OGDH: variants seen among roughly 807,000 people sequenced by gnomAD.
OGDH encodes oxoglutarate dehydrogenase.
A neutral mutation model predicts 116.6 loss-of-function variants in OGDH; 38 were observed. The ratio of observed to expected loss-of-function variants is 0.33; its 90% CI spans 0.25 to 0.43. The LOEUF (loss-of-function observed/expected upper bound fraction) is 0.43, where lower values mean the gene tolerates loss of function less well. Among genes scored for constraint, OGDH ranks in the 20% least tolerant of loss-of-function variants. The pLI is 1.00. For synonymous variants in OGDH, 488 were observed against 533.3 expected (o/e 0.92, Z 1.17); for missense variants, 825 against 1,357.2 (o/e 0.61, Z 6.16).
chr7:44,646,016 G>A (rs1271910244), intron 3 of OGDH, among the ~76,000 whole-genome samples: 1 of 152,132 alleles, frequency 6.6e-6, no homozygotes, highest in Non-Finnish European at 1.5e-5. Context: ...AGTGATGAGG[G>A]GCAGGGGAAC....
rs766227576 is a variant in OGDH, at chr7:44,676,032, C to A, written c.1089C>A (p.Asp363Glu). Reference sequence around the variant, plus strand: ...ACCGCAGGATCAATCGTGTCACCGACAGGAACATTACCTTGTCCTTGGTGG... The same window carrying A: ...ACCGCAGGATCAATCGTGTCACCGAAAGGAACATTACCTTGTCCTTGGTGG... ...MYHRRINRVT[D>E]RNITLSLVAN... Residue 363 changes from aspartate to glutamate, a missense_variant, in exon 9 of 23, where the codon GAC becomes GAA. Asp to Glu is a conservative substitution (Grantham distance 45, BLOSUM62 2). Around this residue, in one of 7 missense-constraint regions of OGDH, gnomAD observed 146 missense variants for 317.3 expected, o/e 0.46. Coordinates refer to ENST00000222673, the MANE Select transcript of OGDH (RefSeq NM_002541.4). The A allele has an allele frequency of 3.7e-6, 6 of 1,614,020 alleles. No homozygotes were observed. The highest frequency in any genetic ancestry group is 4.2e-6 in the Non-Finnish European group (5 of 1,180,034).
At chr7:44,684,851 G>A (rs574438475) in intron 10 of OGDH, among the ~76,000 whole-genome samples, 40 of 151,810 alleles carry the variant, frequency 2.6e-4, no homozygotes, top group Non-Finnish European at 1.0e-4. Flanking sequence ...GTGCAGTGGC[G>A]TGATCTTGGC....
At chr7:44,660,300 T>A (rs1177430286) in intron 4 of OGDH, among the ~76,000 whole-genome samples, 1 of 152,132 alleles carries the variant, frequency 6.6e-6, no homozygotes, top group African/African-American at 2.4e-5. Context: ...ATTTTTAAAA[T>A]TTTTTATAGA....
chr7:44,663,958 A>T (rs1562651210), intron 4 of OGDH, among the ~76,000 whole-genome samples: 3 of 152,056 alleles, frequency 2.0e-5, no homozygotes. Flanking sequence ...AAAAAGAAAA[A>T]AGAAATTGTT....
chr7:44,706,642 C>G (rs900890403), intron 20 of OGDH, among the ~76,000 whole-genome samples: 5 of 74,824 alleles, frequency 6.7e-5, no homozygotes, highest in African/African-American at 6.2e-4. Context: ...TTTTTTTTGT[C>G]TGGAGATGGA....
chr7:44,646,359 G>A (rs1786181035), intron 3 of OGDH, among the ~76,000 whole-genome samples: 1 of 152,234 alleles, frequency 6.6e-6, no homozygotes. Flanking sequence ...GGTTTCTGGT[G>A]GCATGGGCCA....
intron 1 of OGDH, among the ~76,000 whole-genome samples, chr7:44,618,945 A>G (rs1784906571): frequency 6.6e-6 from 1 of 152,252 alleles, no homozygotes; most frequent in South Asian, 2.1e-4. Flanking sequence ...GTCTGTTGGT[A>G]TTAGATCATA....
In OGDH at chr7:44,697,250, C is replaced by T. The variant is rs555306153; in HGVS notation, c.2052-120C>T. 48 of 1,492,968 alleles carry T rather than the reference C, an allele frequency of 3.2e-5. No homozygotes were observed. In the East Asian group the frequency reaches 3.9e-4, roughly 12 times the overall value. The allele number at this position is 1,492,968 out of a possible 1,614,324, so 92.5% of individuals were successfully genotyped here. A position where few individuals can be genotyped will look rare whatever the true frequency, so the allele number is the denominator to read the frequency against. The stretch of plus-strand genomic sequence containing the variant: ...GACCTGGGTGGGGCCGACCCTGCAG[C>T]TGCCTGGCCAGAAGTCCAGGTCACA... On this transcript the variant is annotated intron_variant, in intron 15 of 22. Transcript: ENST00000222673. The surrounding 1 kb of genome is among the most constrained non-coding windows in gnomAD (Gnocchi z 6.0).
At chr7:44,678,602 C>T (rs1310476482) in intron 9 of OGDH, among the ~76,000 whole-genome samples, 1 of 152,168 alleles carries the variant, frequency 6.6e-6, no homozygotes, top group Non-Finnish European at 1.5e-5. Context: ...GTTTTCCAGT[C>T]TACACAAACC....
chr7:44,692,040 A>G (rs1788388145), intron 10 of OGDH, among the ~76,000 whole-genome samples: 1 of 151,734 alleles, frequency 6.6e-6, no homozygotes, highest in Non-Finnish European at 1.5e-5. Flanking sequence ...ACAGTATGGT[A>G]AATGGAAATT....
intron 2 of OGDH, among the ~76,000 whole-genome samples, chr7:44,637,280 C>T (rs1481836758): frequency 5.3e-5 from 8 of 152,182 alleles, no homozygotes; most frequent in Admixed American, 3.9e-4. Flanking sequence ...GGGCTCAGAC[C>T]GTGGGCCCCT....
intron 5 of OGDH, 126 bp downstream of exon 5, chr7:44,666,977 A>G: frequency 1.6e-6 from 1 of 610,646 alleles, no homozygotes; most frequent in Non-Finnish European, 2.8e-6. Context: ...TCTGAGACAG[A>G]GTTACTGTCA....
chr7:44,645,554 T>A (rs970032876), intron 3 of OGDH, 36 bp downstream of exon 3: 3 of 1,603,488 alleles, frequency 1.9e-6, no homozygotes, highest in Non-Finnish European at 2.6e-6. Context: ...CGGGAAAGGG[T>A]GCAGTGTTCC....
At chr7:44,642,070 G>T (rs916499217) in intron 2 of OGDH, among the ~76,000 whole-genome samples, 7 of 152,182 alleles carry the variant, frequency 4.6e-5, no homozygotes, top group Non-Finnish European at 8.8e-5. Context: ...AATCTCTTTG[G>T]AGATTCCAAA....
At chr7:44,654,649 C>T (rs1786608517) in intron 4 of OGDH, among the ~76,000 whole-genome samples, 1 of 152,160 alleles carries the variant, frequency 6.6e-6, no homozygotes, top group Non-Finnish European at 1.5e-5. Context: ...CGGGGCCAAG[C>T]TAAGAACATA....
chr7:44,631,481 CAT>C (rs1355042382), intron 2 of OGDH, among the ~76,000 whole-genome samples: 3 of 152,252 alleles, frequency 2.0e-5, no homozygotes, highest in African/African-American at 7.2e-5. Flanking sequence ...TTTAACTTCA[CAT>C]GTTAAGAGCA....
In OGDH at chr7:44,697,259, C is replaced by A; in HGVS notation, c.2052-111C>A. The A allele has an allele frequency of 6.6e-7, 1 of 1,517,192 alleles. No homozygotes were observed. The highest frequency in any genetic ancestry group is 9.0e-7 in the Non-Finnish European group (1 of 1,112,836). 94.0% of individuals were successfully genotyped at this position (1,517,192 alleles called of 1,614,324 possible). On this transcript the variant is annotated intron_variant, in intron 15 of 22. Transcript: ENST00000222673. This position sits in a 1 kb window ranked among gnomAD's most constrained non-coding sequence, Gnocchi z 6.0. ...GGGGCCGACCCTGCAGCTGCCTGGC[C>A]AGAAGTCCAGGTCACAGAGCATGGC...
chr7:44,635,244 G>T (rs892132113), intron 2 of OGDH, among the ~76,000 whole-genome samples: 1 of 152,174 alleles, frequency 6.6e-6, no homozygotes, highest in Non-Finnish European at 1.5e-5. Flanking sequence ...GCTGAAAGAA[G>T]AGCCATACGC....
At chr7:44,616,652 CATAT>C (rs973996535) in intron 1 of OGDH, among the ~76,000 whole-genome samples, 1 of 146,944 alleles carries the variant, frequency 6.8e-6, no homozygotes, top group Non-Finnish European at 1.5e-5. Flanking sequence ...TATATATACA[CATAT>C]ATATACGTAT....
Sources: allele counts gnomAD v4.1 joint callset (sites outside exome capture counted in the v4.1 genomes callset), GRCh38; gene constraint gnomAD v4.1.1; regional missense constraint gnomAD v4.1.1; non-coding constraint Gnocchi (gnomAD v3.1); transcripts MANE v1.5; gene names NCBI Gene and HGNC (gene_info 2026-07-23, HGNC 2026-07-21).